CPNE5: variants seen among roughly 807,000 people sequenced by gnomAD.
The protein encoded by CPNE5 is copine-5.
CPNE5 carries 42 observed loss-of-function variants against 81.1 expected under a neutral mutation model. The observed-to-expected ratio is 0.52, with a 90% CI of 0.40 to 0.67. The LOEUF (loss-of-function observed/expected upper bound fraction) is 0.67, where lower values mean the gene tolerates loss of function less well. Ranked by LOEUF, CPNE5 falls within the 30% of genes least tolerant of loss-of-function variation. The pLI is 0.00. For missense variants in CPNE5, 612 were observed against 815.5 expected (o/e 0.75, Z 3.04); for synonymous variants, 313 against 321.5 (o/e 0.97, Z 0.28).
At chr6:36,791,168 T>C (rs1040802716) in intron 8 of CPNE5, among the ~76,000 whole-genome samples, 1 of 152,134 alleles carries the variant, frequency 6.6e-6, no homozygotes, top group Non-Finnish European at 1.5e-5. Flanking sequence ...TTCCCACTTT[T>C]ATAGCCACTC....
chr6:36,824,641 A>C (rs1445875342), intron 1 of CPNE5, among the ~76,000 whole-genome samples: 1 of 152,188 alleles, frequency 6.6e-6, no homozygotes, highest in African/African-American at 2.4e-5. Context: ...GCTTCCCGAA[A>C]GCCAACTTCA....
At chr6:36,771,003 C>T (rs373307332) in intron 10 of CPNE5, among the ~76,000 whole-genome samples, 28 of 152,190 alleles carry the variant, frequency 1.8e-4, no homozygotes, top group African/African-American at 6.0e-4. Context: ...ACCATTATCC[C>T]TTCCCCTCTT....
Position 36,774,893 on chromosome 6 carries a change from A to T in CPNE5, c.737+68T>A, listed in dbSNP as rs145122470. On this transcript the variant is annotated intron_variant, in intron 10 of 20. Coordinates refer to ENST00000244751, the MANE Select transcript of CPNE5 (RefSeq NM_020939.2). ...TGACCACGTCAATATGAATGGGGCC[A>T]CCCTCACTTGTGCTTGGGGAGGGCC... 1.8e-3 allele frequency: 2,119 copies of T among 1,210,320 alleles called. 20 individuals are homozygous for T. In the African/African-American group the frequency reaches 0.028, roughly 16 times the overall value. 75.0% of individuals were successfully genotyped at this position (1,210,320 alleles called of 1,614,324 possible).
chr6:36,742,438 T>C lies in CPNE5; in HGVS notation c.1612A>G (p.Ser538Gly). The C allele has an allele frequency of 6.2e-7, 1 of 1,613,488 alleles. No individual in the cohort carries two copies. The highest frequency in any genetic ancestry group is 8.5e-7 in the Non-Finnish European group (1 of 1,179,976). The change falls in exon 21 of 21, where the codon AGC becomes GGC. Residue 538 changes from serine (S) to glycine (G), a missense_variant. Physicochemically the swap from Ser to Gly is moderately conservative, Grantham distance 56. Transcript: ENST00000244751. Reference protein sequence around the residue: ...YVDRTGNHVLSMARLARDVLA... With the variant: ...YVDRTGNHVLGMARLARDVLA... The stretch of plus-strand genomic sequence containing the variant: ...ACGTCTCGGGCCAGGCGGGCCATGC[T>C]CAGCACGTGGTTGCCTGTGCGGTCC...
intron 3 of CPNE5, among the ~76,000 whole-genome samples, chr6:36,820,695 T>G (rs1392751603): frequency 6.6e-6 from 1 of 151,550 alleles, no homozygotes; most frequent in Non-Finnish European, 1.5e-5. Flanking sequence ...ATCCCAGCAG[T>G]TCGGGAGGCA....
chr6:36,765,202 G>A, intron 11 of CPNE5, 133 bp downstream of exon 11: 3 of 500,332 alleles, frequency 6.0e-6, no homozygotes, highest in Non-Finnish European at 1.1e-5. Context: ...CCACACACAC[G>A]CAAACCCAGG....
chr6:36,808,867 G>C lies in CPNE5; in HGVS notation c.184-8797C>G, dbSNP rs538485498. Among the ~76,000 whole-genome samples the C allele has an allele frequency of 2.2e-4, 34 of 152,360 alleles. 1 individual carries two copies. The South Asian group carries it at 7.0e-3, about 32-fold the overall frequency. On this transcript the variant is annotated intron_variant, in intron 3 of 20. Transcript: ENST00000244751. ...AATTAAGATAAGGCTCAGAGAGATT[G>C]AGAGACTTGCCCAAGGTCACACAGC... is the stretch of plus-strand genomic sequence containing the variant.
At position 36,766,782 on chromosome 6, in the gene CPNE5, G is replaced by T. The variant is rs1184754567; in HGVS notation, c.738-1406C>A. 6.6e-6 allele frequency among the ~76,000 whole-genome samples: 1 copy of T among 152,228 alleles called. No individual in the cohort carries two copies. The highest frequency in any genetic ancestry group is 1.5e-5 in the Non-Finnish European group (1 of 68,042). ...AACAAGCTAGTAAGGCCCGCCTGCT[G>T]CATGGGAGGGTCTCTACAAAAATGC... On this transcript the variant is annotated intron_variant, in intron 10 of 20. Coordinates refer to ENST00000244751, the MANE Select transcript of CPNE5 (RefSeq NM_020939.2). This position sits in a 1 kb window ranked among gnomAD's most constrained non-coding sequence, Gnocchi z 4.2.
intron 10 of CPNE5, among the ~76,000 whole-genome samples, chr6:36,770,380 T>A (rs753172777): frequency 1.3e-5 from 2 of 152,226 alleles, no homozygotes; most frequent in Non-Finnish European, 2.9e-5. Flanking sequence ...TTGTAAAATT[T>A]AAATTCACAA....
In CPNE5 at chr6:36,799,951, A is replaced by C. The variant is rs748026467; in HGVS notation, c.287+16T>G. On this transcript the variant is annotated intron_variant, in intron 4 of 20. Transcript: ENST00000244751. ...CTCCCCACCTGGCTGCATCTTCAGC[A>C]CCATCTTCCACTTACAGATCAAAAC... The C allele has an allele frequency of 2.5e-6, 4 of 1,578,810 alleles. No homozygotes were observed.
At position 36,742,764 on chromosome 6, in the gene CPNE5, G is replaced by A. The variant is rs571027871; in HGVS notation, c.1564-278C>T. On this transcript the variant is annotated intron_variant, in intron 20 of 20. Transcript: ENST00000244751. ...CCACTGAACACGATTTCTCCACCTC[G>A]GCACTAAGCACAGGCTCTGAGTAGG... 1.6e-4 allele frequency: 157 copies of A among 985,346 alleles called. No individual in the cohort carries two copies. The African/African-American group carries it at 2.0e-3, about 12-fold the overall frequency. 61.0% of individuals were successfully genotyped at this position (985,346 alleles called of 1,614,324 possible).
Position 36,774,978 on chromosome 6 carries a change from G to A in CPNE5, c.720C>T (p.Cys240=). ...QTFSIPVRAL[C]NGDYDRTIKV... ...CATCTCACCGATCGTAGTCGCCGTT[G>A]CAGAGGGCTCTCACGGGAATGGAGA... Residue 240 remains cysteine (C), a synonymous_variant, in exon 10 of 21, where the codon TGC becomes TGT. Transcript: ENST00000244751. The A allele has an allele frequency of 6.2e-7, 1 of 1,613,872 alleles. No individual in the cohort carries two copies. Among genetic ancestry groups the A allele is most frequent in the African/African-American group, 1.3e-5 (1 of 75,056 alleles).
In CPNE5 at chr6:36,800,120, G is replaced by A. The variant is rs752216947; in HGVS notation, c.184-50C>T. 22 of 1,379,404 alleles carry A rather than the reference G, an allele frequency of 1.6e-5. No individual in the cohort carries two copies. In the Middle Eastern group the frequency reaches 8.7e-4, roughly 54 times the overall value. 85.4% of individuals were successfully genotyped at this position (1,379,404 alleles called of 1,614,324 possible). ...CCTCAGGGCCGGGCTGGTGGGGCCG[G>A]CTGGTGGGGCAGGGGAGAGCACTGG... On this transcript the variant is annotated intron_variant, in intron 3 of 20. Coordinates refer to ENST00000244751, the MANE Select transcript of CPNE5 (RefSeq NM_020939.2).
chr6:36,762,322 G>A (rs565666806), intron 12 of CPNE5, among the ~76,000 whole-genome samples: 35 of 136,284 alleles, frequency 2.6e-4, no homozygotes, highest in African/African-American at 4.9e-4. Flanking sequence ...ACACACACAC[G>A]CATGCGCACA....
At chr6:36,792,171 C>A in intron 7 of CPNE5, 75 bp from the exon 8 acceptor site, 2 of 1,437,514 alleles carry the variant, frequency 1.4e-6, no homozygotes, top group Non-Finnish European at 2.0e-6. Flanking sequence ...CCTCAATCAG[C>A]CCCCTGCCCA....
intron 4 of CPNE5, among the ~76,000 whole-genome samples, chr6:36,799,701 C>T (rs1678170323): frequency 1.3e-5 from 2 of 152,176 alleles, no homozygotes; most frequent in Admixed American, 6.5e-5. Flanking sequence ...AGCAGACATT[C>T]CCCAGCACCA....
At chr6:36,805,202 A>G (rs1770482796) in intron 3 of CPNE5, among the ~76,000 whole-genome samples, 1 of 152,214 alleles carries the variant, frequency 6.6e-6, no homozygotes, top group South Asian at 2.1e-4. Context: ...GAGAGATGAG[A>G]TATTAGCACC....
rs372402634 is a variant in CPNE5 at position 36,756,348 on chromosome 6, G to A, written c.856-50C>T. ...TAAGGCATGCTTCCAGGCAGTCAGG[G>A]TGAGTCTTGAGGGCTTCCAACCACC... On this transcript the variant is annotated intron_variant, in intron 12 of 20. Transcript: ENST00000244751. 1.0e-5 allele frequency: 16 copies of A among 1,561,566 alleles called. No homozygotes were observed. In the African/African-American group the frequency reaches 1.9e-4, roughly 18 times the overall value.
At position 36,830,003 on chromosome 6, in the gene CPNE5, T is replaced by C. The variant is rs557204916; in HGVS notation, c.96-6905A>G. 1.8e-4 allele frequency among the ~76,000 whole-genome samples: 28 copies of C among 152,058 alleles called. No individual in the cohort carries two copies. The South Asian group carries it at 2.7e-3, about 15-fold the overall frequency. On this transcript the variant is annotated intron_variant, in intron 1 of 20. Coordinates refer to ENST00000244751, the MANE Select transcript of CPNE5 (RefSeq NM_020939.2). ...AGAGAGATGACACCCAACAAGTATA[T>C]AATCTGTGCCAAGTCCTTTGTCATG...
Sources: gnomAD v4.1 joint callset for allele counts (sites outside exome capture counted in the v4.1 genomes callset) on GRCh38, gnomAD v4.1.1 for gene constraint, Gnocchi (gnomAD v3.1) non-coding constraint, MANE v1.5 for transcripts, NCBI Gene and HGNC (gene_info 2026-07-23, HGNC 2026-07-21) for gene names.